Variants in UTRN observed in about 807,000 individuals in gnomAD.
UTRN encodes utrophin, also known as dystrophin-related protein 1.
UTRN carries 283 observed loss-of-function variants against 463.9 expected under a neutral mutation model. The observed-to-expected ratio is 0.61, with a 90% CI of 0.55 to 0.67. UTRN has a LOEUF of 0.67. Among genes scored for constraint, UTRN ranks in the 30% least tolerant of loss-of-function variants. The pLI is 0.00. For synonymous variants in UTRN, 1,442 were observed against 1,431.5 expected (o/e 1.01, Z -0.17); for missense variants, 3,922 against 4,084.3 (o/e 0.96, Z 1.08).
chr6:144,577,681 G>A lies in UTRN; in HGVS notation c.7479+393G>A, dbSNP rs1180790763. Among the ~76,000 whole-genome samples the A allele has an allele frequency of 2.6e-5, 4 of 152,066 alleles. No individual in the cohort carries two copies. The East Asian group carries it at 5.8e-4, about 22-fold the overall frequency. ...ATATAAAAGCTGCAAAAGCTCTATG[G>A]CTTAGTTTATAACTAAGAATATTAG... is the stretch of plus-strand genomic sequence containing the variant. On this transcript the variant is annotated intron_variant, in intron 51 of 74. Transcript: ENST00000367545.
At chr6:144,426,594 C>A in intron 7 of UTRN, 135 bp downstream of exon 7, 1 of 915,558 alleles carries the variant, frequency 1.1e-6, no homozygotes, top group East Asian at 3.1e-5. Context: ...CTACCAAAAC[C>A]TTAAGAAAAG....
chr6:144,453,799 G>C lies in UTRN; in HGVS notation c.2214G>C (p.Gln738His). 6.2e-7 allele frequency: 1 copy of C among 1,613,248 alleles called. No homozygotes were observed. Among genetic ancestry groups the C allele is most frequent in the Non-Finnish European group, 8.5e-7 (1 of 1,179,578 alleles). ...KKKLKALEKE[Q>H]RERIPRADEL... ...ATTTGCAGGCATTAGAAAAAGAACA[G>C]AGAGAAAGAATCCCCAGAGCAGATG... Residue 738 changes from glutamine to histidine, a missense_variant, in exon 19 of 75, where the codon CAG (glutamine) becomes CAC (histidine). By Grantham distance (24) the Gln-to-His change is conservative. This residue lies in a region of UTRN where 2,349 missense variants were observed against 2,303.8 expected (regional missense o/e 1.02). Coordinates refer to ENST00000367545, the MANE Select transcript of UTRN (RefSeq NM_007124.3).
chr6:144,660,310 T>C, intron 51 of UTRN: 1 of 470,968 alleles, frequency 2.1e-6, no homozygotes, highest in Non-Finnish European at 4.4e-6. Context: ...ATGTACTTTT[T>C]TCCTTTCTTT....
chr6:144,507,090 T>C (rs999774915), intron 34 of UTRN, among the ~76,000 whole-genome samples: 1 of 152,032 alleles, frequency 6.6e-6, no homozygotes, highest in African/African-American at 2.4e-5. Context: ...CATGAAGTTT[T>C]CGTGCTGTGT....
chr6:144,846,100 G>A (rs1264310969), intron 73 of UTRN, among the ~76,000 whole-genome samples: 2 of 152,222 alleles, frequency 1.3e-5, no homozygotes, highest in African/African-American at 4.8e-5. Flanking sequence ...GGGACGAAAA[G>A]CAGATGCCTT....
intron 54 of UTRN, among the ~76,000 whole-genome samples, chr6:144,742,104 G>T (rs1218854410): frequency 6.6e-6 from 1 of 151,836 alleles, no homozygotes; most frequent in Admixed American, 6.6e-5. Context: ...GAAAAAAAAA[G>T]AATTTGAGAA....
chr6:144,291,876 C>T lies in UTRN; in HGVS notation c.48C>T (p.Asn16=), dbSNP rs760717973. Residue 16 remains asparagine, a synonymous_variant, in exon 2 of 75, where the codon AAC becomes AAT. Coordinates refer to ENST00000367545, the MANE Select transcript of UTRN (RefSeq NM_007124.3). ...AAGCCAGTCCTGACAATGGGCAGAA[C>T]GAATTCAGTGATATCATTAAGTCCA... ...EHEASPDNGQ[N]EFSDIIKSRS... 40 of 1,612,604 alleles carry T rather than the reference C, an allele frequency of 2.5e-5. No homozygotes were observed. The highest frequency in any genetic ancestry group is 8.0e-5 in the African/African-American group (6 of 74,812).
intron 51 of UTRN, among the ~76,000 whole-genome samples, chr6:144,649,999 A>G (rs757304989): frequency 4.5e-4 from 68 of 151,744 alleles, no homozygotes; most frequent in Middle Eastern, 3.4e-3. Context: ...AAGACTGGGT[A>G]ATTTATTTAA....
intron 51 of UTRN, among the ~76,000 whole-genome samples, chr6:144,664,875 A>AAT (rs982970049): frequency 3.4e-4 from 51 of 150,730 alleles, no homozygotes; most frequent in Non-Finnish European, 5.9e-4. Context: ...TTATTTAAGT[A>AAT]ATATATATAT....
chr6:144,706,618 A>G (rs573070944), intron 53 of UTRN: 32 of 152,320 alleles, frequency 2.1e-4, no homozygotes, highest in African/African-American at 6.3e-4. Context: ...TATTCCAATG[A>G]CATTCTGCAA....
At chr6:144,315,537 T>C (rs1775226440) in intron 2 of UTRN, among the ~76,000 whole-genome samples, 1 of 152,190 alleles carries the variant, frequency 6.6e-6, no homozygotes, top group Admixed American at 6.5e-5. Flanking sequence ...GAAATTGCCA[T>C]TAGTTAGTGC....
At chr6:144,596,439 T>C (rs1803652484) in intron 51 of UTRN, among the ~76,000 whole-genome samples, 3 of 152,172 alleles carry the variant, frequency 2.0e-5, no homozygotes, top group African/African-American at 7.2e-5. Flanking sequence ...TTTTTCAAGA[T>C]CAGGAGACAG....
chr6:144,590,665 A>G (rs1432450636), intron 51 of UTRN, among the ~76,000 whole-genome samples: 1 of 152,184 alleles, frequency 6.6e-6, no homozygotes, highest in Non-Finnish European at 1.5e-5. Flanking sequence ...GGAAGTACAA[A>G]TATGTTGTTC....
intron 51 of UTRN, among the ~76,000 whole-genome samples, chr6:144,608,455 AG>A (rs1418324942): frequency 6.6e-6 from 1 of 152,194 alleles, no homozygotes; most frequent in East Asian, 1.9e-4. Context: ...AACTATCATC[AG>A]GCAAGAATAC....
At chr6:144,722,339 G>T (rs924043502) in intron 53 of UTRN, among the ~76,000 whole-genome samples, 1 of 149,134 alleles carries the variant, frequency 6.7e-6, no homozygotes, top group African/African-American at 2.5e-5. Flanking sequence ...TTTAAATATC[G>T]CTGTCTTTCA....
chr6:144,693,032 C>T (rs1783597794), intron 52 of UTRN, among the ~76,000 whole-genome samples: 1 of 151,556 alleles, frequency 6.6e-6, no homozygotes, highest in South Asian at 2.1e-4. Context: ...TTGGGTTTTA[C>T]ATTTAAGTAT....
rs1353624781 is a variant in UTRN at position 144,748,270 on chromosome 6, A to G, written c.7964A>G (p.Gln2655Arg). 4.3e-6 allele frequency: 7 copies of G among 1,612,006 alleles called. No homozygotes were observed. The highest frequency in any genetic ancestry group is 1.7e-5 in the Admixed American group (1 of 59,920). Residue 2655 changes from glutamine to arginine, a missense_variant, in exon 55 of 75, where the codon CAA (glutamine) becomes CGA (arginine). Gln to Arg is a conservative substitution (Grantham distance 43). Coordinates refer to ENST00000367545, the MANE Select transcript of UTRN (RefSeq NM_007124.3). Reference protein sequence around the residue: ...KTELTPEERAQKIAKAMRKQS... With the variant: ...KTELTPEERARKIAKAMRKQS... ...GAATTAACTCCTGAGGAGAGAGCCCAAAAGATTGCCAAAGCCATGCGCAAA... is the reference window on the plus strand; with the variant it reads ...GAATTAACTCCTGAGGAGAGAGCCCGAAAGATTGCCAAAGCCATGCGCAAA...
Position 144,435,980 on chromosome 6 carries a change from C to A in UTRN, c.901C>A (p.Pro301Thr). ...EEHESPRAET[P>T]STVTEVDMDL... ...GCATGAGAGTCCCCGAGCTGAAACT[C>A]CCAGCACTGTCACTGAGGTTGACAT... The change falls in exon 10 of 75, where the codon CCC becomes ACC. Residue 301 changes from proline to threonine, a missense_variant. Pro to Thr is a conservative substitution (Grantham distance 38). Transcript: ENST00000367545. 1.2e-6 allele frequency: 2 copies of A among 1,614,190 alleles called. No homozygotes were observed. Among genetic ancestry groups the A allele is most frequent in the Non-Finnish European group, 1.7e-6 (2 of 1,180,044 alleles).
At chr6:144,351,470 A>G (rs997203312) in intron 2 of UTRN, among the ~76,000 whole-genome samples, 9 of 152,240 alleles carry the variant, frequency 5.9e-5, no homozygotes, top group African/African-American at 2.2e-4. Flanking sequence ...ATGGCAGGAA[A>G]TAGAGAGCTA....
Sources: gnomAD v4.1 joint callset for allele counts (sites outside exome capture counted in the v4.1 genomes callset) on GRCh38, gnomAD v4.1.1 for gene constraint, gnomAD v4.1.1 regional missense constraint, MANE v1.5 for transcripts, NCBI Gene and HGNC (gene_info 2026-07-23, HGNC 2026-07-21) for gene names.